SLC20A2: variants seen among roughly 807,000 people sequenced by gnomAD.
The protein encoded by SLC20A2 is solute carrier family 20 member 2.
SLC20A2 carries 30 observed loss-of-function variants against 61.0 expected under a neutral mutation model. The observed-to-expected ratio is 0.49, with a 90% CI of 0.37 to 0.67. The LOEUF (loss-of-function observed/expected upper bound fraction) is 0.67. Among genes scored for constraint, SLC20A2 ranks in the 30% least tolerant of loss-of-function variants. The pLI is 0.00. For missense variants in SLC20A2, 626 were observed against 866.4 expected (o/e 0.72, Z 3.48); for synonymous variants, 351 against 353.3 (o/e 0.99, Z 0.07).
intron 1 of SLC20A2, chr8:42,536,729 A>C (rs1014940412): frequency 6.6e-6 from 1 of 152,108 alleles, no homozygotes; most frequent in Non-Finnish European, 1.5e-5. Context: ...AGACCTCCTG[A>C]CCCCAACAGC....
upstream of SLC20A2, among the ~76,000 whole-genome samples, chr8:42,503,276 A>G (rs993179807): frequency 6.6e-6 from 1 of 152,246 alleles, no homozygotes; most frequent in Non-Finnish European, 1.5e-5. Context: ...ATGACAGTAG[A>G]TAAAAATCTG....
At chr8:42,438,060 AAC>A (rs1804450869) in intron 7 of SLC20A2, among the ~76,000 whole-genome samples, 1 of 130,764 alleles carries the variant, frequency 7.6e-6, no homozygotes, top group Non-Finnish European at 1.6e-5. Context: ...TAAAAAAAAA[AAC>A]CAAAAAAAAA....
intron 4 of SLC20A2, among the ~76,000 whole-genome samples, chr8:42,461,454 C>CTTT (rs752764620): frequency 7.2e-6 from 1 of 138,994 alleles, no homozygotes. Context: ...TTTCAAATAT[C>CTTT]TTTTTTTTTT....
intron 1 of SLC20A2, among the ~76,000 whole-genome samples, chr8:42,532,363 C>T (rs1812389139): frequency 1.3e-5 from 2 of 152,182 alleles, no homozygotes; most frequent in African/African-American, 4.8e-5. Flanking sequence ...TCCCCACCTC[C>T]ACCCCAAACT....
chr8:42,427,315 C>T (rs1330383821), intron 10 of SLC20A2, among the ~76,000 whole-genome samples: 1 of 152,230 alleles, frequency 6.6e-6, no homozygotes, highest in Non-Finnish European at 1.5e-5. Flanking sequence ...GGTCGGGCAC[C>T]ACAATGGTGC....
intron 10 of SLC20A2, among the ~76,000 whole-genome samples, chr8:42,426,525 G>A (rs977098370): frequency 2.0e-5 from 3 of 152,106 alleles, no homozygotes; most frequent in Non-Finnish European, 4.4e-5. Context: ...GTGAAGCCAT[G>A]TCTCTACTAA....
At chr8:42,504,973 G>A (rs1810572673), upstream of SLC20A2, among the ~76,000 whole-genome samples, 6 of 147,766 alleles carry the variant, frequency 4.1e-5, no homozygotes, top group South Asian at 1.3e-3. Context: ...TCACATTTTA[G>A]TGACAGGAAC....
chr8:42,447,404 G>C (rs914056941), intron 5 of SLC20A2, among the ~76,000 whole-genome samples: 1 of 151,070 alleles, frequency 6.6e-6, no homozygotes, highest in Admixed American at 6.6e-5. Flanking sequence ...TGGGCTGGGT[G>C]CGGTGGCTCA....
intron 6 of SLC20A2, among the ~76,000 whole-genome samples, chr8:42,440,584 G>T (rs1227016084): frequency 6.6e-6 from 1 of 152,156 alleles, no homozygotes; most frequent in Non-Finnish European, 1.5e-5. Context: ...AAACATTCAT[G>T]TGCAGATTTC....
chr8:42,536,932 G>A (rs574548565), intron 1 of SLC20A2, among the ~76,000 whole-genome samples: 4 of 152,154 alleles, frequency 2.6e-5, no homozygotes, highest in Admixed American at 2.6e-4. Flanking sequence ...AAAATTAGCT[G>A]GGCGTAGTGG....
intron 1 of SLC20A2, among the ~76,000 whole-genome samples, chr8:42,516,850 C>A (rs958632009): frequency 1.2e-4 from 18 of 152,162 alleles, no homozygotes; most frequent in Admixed American, 1.2e-3. Flanking sequence ...CAAAACAGGA[C>A]AACAGACTCG....
At chr8:42,512,831 C>G (rs954951943) in intron 1 of SLC20A2, among the ~76,000 whole-genome samples, 1 of 152,208 alleles carries the variant, frequency 6.6e-6, no homozygotes, top group Non-Finnish European at 1.5e-5. Context: ...CAGATCAGAA[C>G]TATGCATTCC....
chr8:42,499,372 C>T (rs958877428), intron 1 of SLC20A2, among the ~76,000 whole-genome samples: 1 of 152,200 alleles, frequency 6.6e-6, no homozygotes, highest in Non-Finnish European at 1.5e-5. Context: ...CCGGCACTAA[C>T]ACTTATATAA....
At chr8:42,509,429 T>C (rs1317458051) in intron 1 of SLC20A2, among the ~76,000 whole-genome samples, 1 of 152,080 alleles carries the variant, frequency 6.6e-6, no homozygotes, top group Non-Finnish European at 1.5e-5. Flanking sequence ...AATTCTGCAC[T>C]TGCTGATACA....
chr8:42,451,175 A>G (rs1396184111), intron 5 of SLC20A2, among the ~76,000 whole-genome samples: 1 of 150,382 alleles, frequency 6.6e-6, no homozygotes, highest in East Asian at 2.0e-4. Flanking sequence ...GAAGAAGAGA[A>G]GGAGGAGGAA....
intron 4 of SLC20A2, among the ~76,000 whole-genome samples, chr8:42,461,140 A>G (rs2131164507): frequency 1.3e-5 from 2 of 152,330 alleles, no homozygotes; most frequent in South Asian, 2.1e-4. Context: ...GGGCAGAATG[A>G]GACTCAAGTG....
chr8:42,437,290 A>C lies in SLC20A2; in HGVS notation c.1222T>G (p.Ser408Ala), dbSNP rs917367482. 1 of 1,614,016 alleles carries C rather than the reference A, an allele frequency of 6.2e-7. No individual in the cohort carries two copies. The highest frequency in any genetic ancestry group is 8.5e-7 in the Non-Finnish European group (1 of 1,180,034). ...AGCTTCTCACTGTCCTCTGGGGCCGATGAGTCCGCAGCTCGAAAGGTGGCG... is the reference window on the plus strand; with the variant it reads ...AGCTTCTCACTGTCCTCTGGGGCCGCTGAGTCCGCAGCTCGAAAGGTGGCG... Reference protein sequence around the residue: ...VHATFRAADSSAPEDSEKLVG... With the variant: ...VHATFRAADSAAPEDSEKLVG... The change falls in exon 8 of 11, where the codon TCG becomes GCG. Residue 408 changes from serine to alanine, a missense_variant. Ser to Ala is a moderately conservative substitution (Grantham distance 99). This residue lies in a region of SLC20A2 where 361 missense variants were observed against 422.3 expected (regional missense o/e 0.85). Coordinates refer to ENST00000520262, the MANE Select transcript of SLC20A2 (RefSeq NM_001257180.2). This position sits in a 1 kb window ranked among gnomAD's most constrained non-coding sequence, Gnocchi z 6.4.
chr8:42,443,813 C>T (rs1000446790), intron 6 of SLC20A2, among the ~76,000 whole-genome samples: 1 of 152,042 alleles, frequency 6.6e-6, no homozygotes, highest in Non-Finnish European at 1.5e-5. Context: ...TTTCCATATT[C>T]TTAAATTTAA....
intron 5 of SLC20A2, among the ~76,000 whole-genome samples, chr8:42,445,916 C>G (rs1372923230): frequency 1.3e-5 from 2 of 152,350 alleles, no homozygotes; most frequent in East Asian, 3.9e-4. Flanking sequence ...GCCCTAACCA[C>G]ATACACAGAA....
Sources: gnomAD v4.1 joint callset for allele counts (sites outside exome capture counted in the v4.1 genomes callset) on GRCh38, gnomAD v4.1.1 for gene constraint, gnomAD v4.1.1 regional missense constraint, Gnocchi (gnomAD v3.1) non-coding constraint, MANE v1.5 for transcripts, NCBI Gene and HGNC (gene_info 2026-07-23, HGNC 2026-07-21) for gene names.